Variants in CLHC1 observed in about 807,000 individuals in gnomAD.
CLHC1 encodes clathrin heavy chain linker domain-containing protein 1.
CLHC1 carries 72 observed loss-of-function variants against 69.5 expected under a neutral mutation model. The observed-to-expected ratio is 1.04, with a 90% CI of 0.86 to 1.26. The LOEUF (loss-of-function observed/expected upper bound fraction) is 1.26, where lower values mean the gene tolerates loss of function less well. Ranked by LOEUF, CLHC1 falls within the 50% of genes most tolerant of loss-of-function variation. The pLI is 0.00. For missense variants in CLHC1, 790 were observed against 679.3 expected (o/e 1.16, Z -1.81); for synonymous variants, 223 against 224.3 (o/e 0.99, Z 0.05).
At chr2:55,221,001 A>G (rs1674058956) in intron 3 of CLHC1, among the ~76,000 whole-genome samples, 1 of 152,200 alleles carries the variant, frequency 6.6e-6, no homozygotes, top group Non-Finnish European at 1.5e-5. Flanking sequence ...ACTCCTATGA[A>G]TACGTATCAA....
intron 3 of CLHC1, among the ~76,000 whole-genome samples, chr2:55,219,390 T>C (rs1291805472): frequency 6.6e-6 from 1 of 152,208 alleles, no homozygotes; most frequent in Non-Finnish European, 1.5e-5. Flanking sequence ...TGAATTCAGC[T>C]GGCAATTTTG....
intron 7 of CLHC1, 44 bp downstream of exon 7, chr2:55,209,360 T>C: frequency 1.6e-6 from 2 of 1,222,698 alleles, no homozygotes; most frequent in Admixed American, 2.1e-5. Flanking sequence ...GCGAAAAAAA[T>C]GTCTTCCATT....
chr2:55,180,795 G>A (rs1470291747), intron 10 of CLHC1, 83 bp from the exon 11 acceptor site: 5 of 1,091,438 alleles, frequency 4.6e-6, no homozygotes, highest in East Asian at 2.4e-5. Flanking sequence ...ATTCAGCACA[G>A]TAGGACTGGA....
At chr2:55,222,191 G>A in intron 3 of CLHC1, 44 bp downstream of exon 3, 1 of 1,361,394 alleles carries the variant, frequency 7.3e-7, no homozygotes, top group Non-Finnish European at 1.0e-6. Context: ...ATAGATCATT[G>A]CTATCCTCAT....
At chr2:55,229,193 T>C (rs1675019979) in intron 1 of CLHC1, among the ~76,000 whole-genome samples, 1 of 148,174 alleles carries the variant, frequency 6.7e-6, no homozygotes, top group Non-Finnish European at 1.5e-5. Context: ...TATATATATA[T>C]AGAAATATAG....
intron 3 of CLHC1, among the ~76,000 whole-genome samples, chr2:55,220,348 G>A (rs990043253): frequency 6.6e-5 from 10 of 152,146 alleles, no homozygotes; most frequent in Non-Finnish European, 1.0e-4. Context: ...ACAATCAAAT[G>A]TGCTAAAATA....
chr2:55,177,047 C>A (rs1358089875), intron 12 of CLHC1, among the ~76,000 whole-genome samples: 2 of 151,982 alleles, frequency 1.3e-5, no homozygotes, highest in Admixed American at 6.6e-5. Context: ...ATTTTGGTAT[C>A]TTTTTCATAG....
At chr2:55,204,309 A>G (rs1220718453) in intron 9 of CLHC1, among the ~76,000 whole-genome samples, 1 of 152,180 alleles carries the variant, frequency 6.6e-6, no homozygotes, top group Admixed American at 6.6e-5. Context: ...AAAGATTTGA[A>G]TAGACATTTC....
intron 3 of CLHC1, among the ~76,000 whole-genome samples, chr2:55,218,843 A>T (rs1045755317): frequency 8.5e-5 from 13 of 152,348 alleles, no homozygotes; most frequent in African/African-American, 3.1e-4. Flanking sequence ...CAGAGAATAG[A>T]CAGGCTCAAT....
In CLHC1 at chr2:55,172,701, TAA is replaced by T. The variant is rs11347337; in HGVS notation, c.*3087_*3088del. 0.11 allele frequency among the ~76,000 whole-genome samples: 15,548 copies of T among 142,934 alleles called. 2,477 individuals are homozygous for T. Among genetic ancestry groups the T allele is most frequent in the African/African-American group, 0.35 (13,935 of 39,688 alleles). The allele number at this position is 142,934 out of a possible 152,430, so 93.8% of individuals were successfully genotyped here. On this transcript the variant is annotated 3_prime_UTR_variant, in exon 13 of 13. Coordinates refer to ENST00000401408, the MANE Select transcript of CLHC1 (RefSeq NM_152385.4). Reference sequence around the variant, plus strand: ...GAGCTTTCTATGAAATGTACAAAGTTAAAAAAAAAAAAAAAGGCCTCTGCTAT... The same window carrying T: ...GAGCTTTCTATGAAATGTACAAAGTTAAAAAAAAAAAAAGGCCTCTGCTAT...
intron 9 of CLHC1, among the ~76,000 whole-genome samples, chr2:55,190,123 C>A (rs573194787): frequency 1.3e-5 from 2 of 152,202 alleles, no homozygotes; most frequent in Admixed American, 6.5e-5. Flanking sequence ...CGGCTCACTG[C>A]AAGCTCTGCC....
rs899696593 is a variant in CLHC1, at chr2:55,173,864, A to C, written c.*1926T>G. 3.9e-5 allele frequency among the ~76,000 whole-genome samples: 6 copies of C among 152,184 alleles called. No individual in the cohort carries two copies. The highest frequency in any genetic ancestry group is 1.4e-4 in the African/African-American group (6 of 41,438). ...AATGAGAAAAGGAAAAACAAGGCAAAATTAGAATAACAACAACAACCGCTG... is the reference window on the plus strand; with the variant it reads ...AATGAGAAAAGGAAAAACAAGGCAACATTAGAATAACAACAACAACCGCTG... On this transcript the variant is annotated 3_prime_UTR_variant, in exon 13 of 13. Transcript: ENST00000401408.
intron 1 of CLHC1, among the ~76,000 whole-genome samples, chr2:55,231,584 G>A (rs991253288): frequency 1.2e-4 from 18 of 152,182 alleles, no homozygotes; most frequent in Non-Finnish European, 2.1e-4. Flanking sequence ...GAAAATTAAG[G>A]TCTGAATTTG....
At position 55,174,518 on chromosome 2, in the gene CLHC1, G is replaced by A. The variant is rs1404380002; in HGVS notation, c.*1272C>T. ...AGGAATTACAGCTATCTTTTCCTAA[G>A]TTCCTCTATCATGTTATACACTTAC... On this transcript the variant is annotated 3_prime_UTR_variant, in exon 13 of 13. Coordinates refer to ENST00000401408, the MANE Select transcript of CLHC1 (RefSeq NM_152385.4). Among the ~76,000 whole-genome samples the A allele has an allele frequency of 1.3e-5, 2 of 152,118 alleles. No homozygotes were observed. The highest frequency in any genetic ancestry group is 1.9e-4 in the East Asian group (1 of 5,198).
chr2:55,194,246 G>C (rs973542417), intron 9 of CLHC1, among the ~76,000 whole-genome samples: 1 of 151,938 alleles, frequency 6.6e-6, no homozygotes, highest in South Asian at 2.1e-4. Context: ...AAATTTTGTG[G>C]AGTTTTTCCC....
intron 4 of CLHC1, chr2:55,214,731 T>C (rs1252510461): frequency 2.0e-5 from 3 of 152,182 alleles, no homozygotes; most frequent in Non-Finnish European, 4.4e-5. Context: ...CAAAAGAAAC[T>C]GAAAGCAGAT....
At chr2:55,227,321 AGGTCCC>A (rs111594776) in intron 2 of CLHC1, among the ~76,000 whole-genome samples, 81 of 151,692 alleles carry the variant, frequency 5.3e-4, no homozygotes, top group African/African-American at 1.9e-3. Flanking sequence ...AAGTAAGATA[AGGTCCC>A]TGGCTCCTTG....
intron 9 of CLHC1, among the ~76,000 whole-genome samples, chr2:55,204,686 T>C (rs915164542): frequency 6.6e-6 from 1 of 152,146 alleles, no homozygotes; most frequent in African/African-American, 2.4e-5. Flanking sequence ...GCAACCTAAG[T>C]GTCCATCAAC....
intron 9 of CLHC1, among the ~76,000 whole-genome samples, chr2:55,199,035 G>A (rs1671689546): frequency 2.0e-5 from 3 of 152,046 alleles, no homozygotes; most frequent in African/African-American, 7.2e-5. Context: ...AGTGGCTCAT[G>A]CCTATAATCC....
Sources: allele counts gnomAD v4.1 joint callset (sites outside exome capture counted in the v4.1 genomes callset), GRCh38; gene constraint gnomAD v4.1.1; transcripts MANE v1.5; gene names NCBI Gene and HGNC (gene_info 2026-07-23, HGNC 2026-07-21).